Variants in SLC10A7 observed in about 807,000 individuals in gnomAD.
SLC10A7 encodes sodium/bile acid cotransporter 7.
Under a neutral mutation model 43.2 loss-of-function variants are expected in SLC10A7, and 29 were observed. That is an observed-to-expected ratio of 0.67 (90% CI 0.50 to 0.92). The LOEUF is 0.92. Among genes scored for constraint, SLC10A7 ranks in the 40% least tolerant of loss-of-function variants. The probability of loss-of-function intolerance (pLI) is 0.00; values close to 1 mark genes in which losing one functional copy is unlikely to be tolerated. For synonymous variants in SLC10A7, 152 were observed against 144.8 expected, an observed-to-expected ratio of 1.05 and a Z score of -0.35; for missense variants, 295 against 403.2, an observed-to-expected ratio of 0.73 and a Z score of 2.30.
intron 5 of SLC10A7, among the ~76,000 whole-genome samples, chr4:146,397,220 G>A (rs1382838364): frequency 1.3e-5 from 2 of 152,006 alleles, no homozygotes; most frequent in Admixed American, 1.3e-4. Context: ...ATAAAGTTAA[G>A]ACCGATGTAA....
At chr4:146,411,495 C>T (rs964329985) in intron 5 of SLC10A7, among the ~76,000 whole-genome samples, 1 of 151,870 alleles carries the variant, frequency 6.6e-6, no homozygotes, top group Non-Finnish European at 1.5e-5. Flanking sequence ...CTCTTCTAAC[C>T]CATACAATTA....
At chr4:146,316,032 G>A (rs1046440588) in intron 6 of SLC10A7, among the ~76,000 whole-genome samples, 2 of 152,044 alleles carry the variant, frequency 1.3e-5, no homozygotes, top group African/African-American at 4.8e-5. Context: ...CCTGTTAGAT[G>A]TTAAAATCTA....
At chr4:146,467,693 G>C (rs1281835543) in intron 4 of SLC10A7, among the ~76,000 whole-genome samples, 3 of 150,114 alleles carry the variant, frequency 2.0e-5, no homozygotes, top group Non-Finnish European at 4.4e-5. Flanking sequence ...CTCCCAAGTA[G>C]CTGGGAGTAC....
chr4:146,364,315 C>A (rs1292879605), intron 5 of SLC10A7, among the ~76,000 whole-genome samples: 4 of 152,008 alleles, frequency 2.6e-5, no homozygotes, highest in Admixed American at 6.6e-5. Context: ...CCTGAATAGA[C>A]CAAACACAAA....
At chr4:146,258,903 C>T in intron 10 of SLC10A7, 66 bp from the exon 11 acceptor site, 1 of 1,519,854 alleles carries the variant, frequency 6.6e-7, no homozygotes, top group Non-Finnish European at 8.9e-7. Flanking sequence ...AATGCATACT[C>T]CATCAAAATC....
At chr4:146,344,998 C>T (rs761771626) in intron 5 of SLC10A7, among the ~76,000 whole-genome samples, 2 of 151,996 alleles carry the variant, frequency 1.3e-5, no homozygotes, top group Admixed American at 6.6e-5. Context: ...AACACTGTTC[C>T]GGAAGAAAGC....
At chr4:146,301,175 C>T (rs759912420) in intron 7 of SLC10A7, among the ~76,000 whole-genome samples, 13 of 152,246 alleles carry the variant, frequency 8.5e-5, no homozygotes, top group East Asian at 1.9e-4. Context: ...GAATCAAGTA[C>T]GATGGGAGAC....
chr4:146,289,468 T>A (rs567800419), intron 9 of SLC10A7, among the ~76,000 whole-genome samples: 1 of 152,256 alleles, frequency 6.6e-6, no homozygotes, highest in East Asian at 1.9e-4. Context: ...TTTAACTTTT[T>A]ATATATTTTT....
chr4:146,428,336 T>C (rs2149863375), intron 5 of SLC10A7, among the ~76,000 whole-genome samples: 2 of 152,284 alleles, frequency 1.3e-5, no homozygotes, highest in Non-Finnish European at 2.9e-5. Context: ...GTCACATCTT[T>C]ATTATTTTCT....
In SLC10A7 at chr4:146,301,394, A is replaced by G. The variant is rs557171182; in HGVS notation, c.555+4532T>C. Among the ~76,000 whole-genome samples, 29 of 152,280 alleles carry G rather than the reference A, an allele frequency of 1.9e-4. No homozygotes were observed. The East Asian group carries it at 5.4e-3, about 28-fold the overall frequency. On this transcript the variant is annotated intron_variant, in intron 7 of 11. Coordinates refer to ENST00000335472, the MANE Select transcript of SLC10A7 (RefSeq NM_001029998.6). Reference sequence around the variant, plus strand: ...AAGGAGAGGAGTGGTGGGAGGTGGCACTGGAGAAGCAGGTTGGGCCAGACT... The same window carrying G: ...AAGGAGAGGAGTGGTGGGAGGTGGCGCTGGAGAAGCAGGTTGGGCCAGACT...
At chr4:146,326,870 C>T (rs1733143933) in intron 5 of SLC10A7, among the ~76,000 whole-genome samples, 1 of 151,320 alleles carries the variant, frequency 6.6e-6, no homozygotes, top group African/African-American at 2.4e-5. Flanking sequence ...TTTAAAATTT[C>T]AGAGAATCTG....
intron 5 of SLC10A7, among the ~76,000 whole-genome samples, chr4:146,396,864 C>T (rs1738865695): frequency 6.7e-6 from 1 of 149,350 alleles, no homozygotes; most frequent in Admixed American, 6.7e-5. Flanking sequence ...TGTTTAAACC[C>T]ATACAAAGAA....
chr4:146,431,816 T>G (rs1433332210), intron 5 of SLC10A7, among the ~76,000 whole-genome samples: 1 of 152,152 alleles, frequency 6.6e-6, no homozygotes, highest in African/African-American at 2.4e-5. Context: ...TTTGAACTTC[T>G]GTTATTTGAA....
chr4:146,458,846 T>G (rs1732299135), intron 4 of SLC10A7, among the ~76,000 whole-genome samples: 1 of 151,828 alleles, frequency 6.6e-6, no homozygotes, highest in Non-Finnish European at 1.5e-5. Flanking sequence ...TCTGATCTGA[T>G]TTTTGTTTTG....
chr4:146,398,457 A>G (rs774093416), intron 5 of SLC10A7, among the ~76,000 whole-genome samples: 3 of 152,202 alleles, frequency 2.0e-5, no homozygotes, highest in Non-Finnish European at 4.4e-5. Flanking sequence ...GATCAAGAAA[A>G]GCAGAAACAC....
intron 4 of SLC10A7, among the ~76,000 whole-genome samples, chr4:146,444,299 T>C (rs1730850724): frequency 6.6e-6 from 1 of 152,188 alleles, no homozygotes; most frequent in Non-Finnish European, 1.5e-5. Flanking sequence ...TTACTTCCTT[T>C]TAGTAAAGGA....
At chr4:146,361,476 G>A (rs1335460220) in intron 5 of SLC10A7, among the ~76,000 whole-genome samples, 1 of 152,070 alleles carries the variant, frequency 6.6e-6, no homozygotes, top group African/African-American at 2.4e-5. Flanking sequence ...AGTCTGCCAG[G>A]GTCATTTATC....
chr4:146,409,780 T>C (rs540350120), intron 5 of SLC10A7, among the ~76,000 whole-genome samples: 9 of 152,282 alleles, frequency 5.9e-5, no homozygotes, highest in Non-Finnish European at 7.4e-5. Context: ...GCTATAAATG[T>C]ATATGGTAGA....
chr4:146,410,221 A>G (rs749987532), intron 5 of SLC10A7, among the ~76,000 whole-genome samples: 22 of 152,298 alleles, frequency 1.4e-4, no homozygotes, highest in South Asian at 2.1e-4. Flanking sequence ...GAAATAAACT[A>G]AGATATTCTG....
Sources: gnomAD v4.1 joint callset for allele counts (sites outside exome capture counted in the v4.1 genomes callset) on GRCh38, gnomAD v4.1.1 for gene constraint, MANE v1.5 for transcripts, NCBI Gene and HGNC (gene_info 2026-07-23, HGNC 2026-07-21) for gene names.